Variants in KCNQ3 observed in about 807,000 individuals in gnomAD.
The protein encoded by KCNQ3 is potassium voltage-gated channel subfamily KQT member 3.
KCNQ3 carries 30 observed loss-of-function variants against 92.5 expected under a neutral mutation model. The observed-to-expected ratio is 0.32, with a 90% confidence interval of 0.24 to 0.44. KCNQ3 has a LOEUF of 0.44. KCNQ3 is among the 20% of genes least tolerant of loss of function. The probability of loss-of-function intolerance (pLI) is 1.00; values close to 1 mark genes in which losing one functional copy is unlikely to be tolerated. For missense variants in KCNQ3, 913 were observed against 1,140.3 expected (o/e 0.80, Z 2.87); for synonymous variants, 450 against 468.8 (o/e 0.96, Z 0.52).
chr8:132,470,873 G>C (rs1822285048), intron 1 of KCNQ3, among the ~76,000 whole-genome samples: 1 of 152,104 alleles, frequency 6.6e-6, no homozygotes, highest in Non-Finnish European at 1.5e-5. Context: ...TATCCAGCAG[G>C]ATGCCCCACA....
intron 1 of KCNQ3, among the ~76,000 whole-genome samples, chr8:132,457,329 A>G (rs1009237257): frequency 6.6e-6 from 1 of 152,186 alleles, no homozygotes; most frequent in African/African-American, 2.4e-5. Context: ...AGAAAGATAC[A>G]GAGACACCGA....
chr8:132,423,141 C>T (rs1182850631), intron 1 of KCNQ3, among the ~76,000 whole-genome samples: 2 of 152,180 alleles, frequency 1.3e-5, no homozygotes, highest in East Asian at 1.9e-4. Flanking sequence ...CCCCCCACCA[C>T]CACCCCTCTG....
intron 1 of KCNQ3, among the ~76,000 whole-genome samples, chr8:132,445,350 G>A (rs1821648148): frequency 6.6e-6 from 1 of 152,122 alleles, no homozygotes; most frequent in Non-Finnish European, 1.5e-5. Flanking sequence ...AGGTCTCCAT[G>A]GCCCAGGGCA....
At chr8:132,379,428 A>G (rs1819688003) in intron 1 of KCNQ3, among the ~76,000 whole-genome samples, 1 of 152,062 alleles carries the variant, frequency 6.6e-6, no homozygotes, top group African/African-American at 2.4e-5. Flanking sequence ...CTTCTCCACA[A>G]TCACAGCCCT....
At chr8:132,228,808 T>C (rs1274950325) in intron 1 of KCNQ3, among the ~76,000 whole-genome samples, 1 of 150,734 alleles carries the variant, frequency 6.6e-6, no homozygotes, top group Non-Finnish European at 1.5e-5. Flanking sequence ...AGGAGTTCTA[T>C]GAGATAGAGC....
chr8:132,381,603 G>T (rs961150647), intron 1 of KCNQ3, among the ~76,000 whole-genome samples: 23 of 152,198 alleles, frequency 1.5e-4, no homozygotes, highest in African/African-American at 5.5e-4. Context: ...ACTAGAGCTC[G>T]TTTATTCAAC....
chr8:132,203,561 GC>G (rs1368424882), intron 1 of KCNQ3, among the ~76,000 whole-genome samples: 2 of 152,180 alleles, frequency 1.3e-5, no homozygotes, highest in Non-Finnish European at 2.9e-5. Flanking sequence ...GCTGACAAAG[GC>G]ATGCTCCCTT....
chr8:132,171,951 T>C (rs1021292583), intron 7 of KCNQ3, among the ~76,000 whole-genome samples: 1 of 151,638 alleles, frequency 6.6e-6, no homozygotes, highest in Admixed American at 6.6e-5. Context: ...AGTGCAGGAG[T>C]TTGAGGCCAG....
chr8:132,240,736 G>A (rs1814967437), intron 1 of KCNQ3, among the ~76,000 whole-genome samples: 1 of 152,156 alleles, frequency 6.6e-6, no homozygotes, highest in African/African-American at 2.4e-5. Flanking sequence ...CTTTGTGCCT[G>A]GCACCTAGTT....
intron 1 of KCNQ3, among the ~76,000 whole-genome samples, chr8:132,477,797 C>T (rs1270382963): frequency 6.6e-6 from 1 of 152,144 alleles, no homozygotes; most frequent in African/African-American, 2.4e-5. Flanking sequence ...TTACTCATGG[C>T]CCTGCATTAA....
At chr8:132,407,986 G>A (rs115939827) in intron 1 of KCNQ3, among the ~76,000 whole-genome samples, 2,459 of 152,180 alleles carry the variant, frequency 0.016, 68 homozygotes, top group African/African-American at 0.056. Flanking sequence ...AAGGTAAGTC[G>A]CTGGGTGGGT....
At chr8:132,346,900 C>T (rs1183456801) in intron 1 of KCNQ3, among the ~76,000 whole-genome samples, 1 of 152,196 alleles carries the variant, frequency 6.6e-6, no homozygotes, top group Non-Finnish European at 1.5e-5. Flanking sequence ...GGCAAAGCTT[C>T]TGGAGACACT....
chr8:132,216,367 G>C (rs766769391), intron 1 of KCNQ3, among the ~76,000 whole-genome samples: 1 of 152,230 alleles, frequency 6.6e-6, no homozygotes, highest in Admixed American at 6.5e-5. Flanking sequence ...GGATGCCACA[G>C]GCACTAACAA....
chr8:132,148,363 G>A (rs1443368044), intron 9 of KCNQ3, among the ~76,000 whole-genome samples: 1 of 152,120 alleles, frequency 6.6e-6, no homozygotes, highest in Admixed American at 6.5e-5. Flanking sequence ...AGCCTCCCGA[G>A]TAGCTGGGAT....
intron 4 of KCNQ3, 94 bp downstream of exon 4, chr8:132,180,063 G>A: frequency 7.4e-7 from 1 of 1,350,438 alleles, no homozygotes; most frequent in South Asian, 1.2e-5. Context: ...CAGAATGACT[G>A]CCTTCTGGGG....
chr8:132,268,858 A>T (rs1421159541), intron 1 of KCNQ3, among the ~76,000 whole-genome samples: 1 of 152,218 alleles, frequency 6.6e-6, no homozygotes, highest in East Asian at 1.9e-4. Flanking sequence ...GTGAGAAATG[A>T]GAGTTCCTGT....
intron 1 of KCNQ3, among the ~76,000 whole-genome samples, chr8:132,191,304 G>A (rs1827148750): frequency 6.6e-6 from 1 of 152,068 alleles, no homozygotes; most frequent in African/African-American, 2.4e-5. Context: ...TGGAACTACA[G>A]GTGTGCACCA....
intron 1 of KCNQ3, among the ~76,000 whole-genome samples, chr8:132,255,290 G>A (rs1815548391): frequency 6.6e-6 from 1 of 152,158 alleles, no homozygotes; most frequent in South Asian, 2.1e-4. Flanking sequence ...TGCAGGACTT[G>A]TCTATATTTG....
At chr8:132,351,668 GC>G (rs1818870931) in intron 1 of KCNQ3, among the ~76,000 whole-genome samples, 1 of 152,186 alleles carries the variant, frequency 6.6e-6, no homozygotes. Flanking sequence ...AGGGAGCTTT[GC>G]CCTTCCCGTG....
Sources: gnomAD v4.1 joint callset for allele counts (sites outside exome capture counted in the v4.1 genomes callset) on GRCh38, gnomAD v4.1.1 for gene constraint, MANE v1.5 for transcripts, NCBI Gene and HGNC (gene_info 2026-07-23, HGNC 2026-07-21) for gene names.